Variants in LNP1 observed in about 807,000 individuals in gnomAD.
LNP1 encodes leukemia NUP98 fusion partner 1.
Under a neutral mutation model 14.5 loss-of-function variants are expected in LNP1, and 12 were observed. That is an observed-to-expected ratio of 0.83 (90% CI 0.53 to 1.34). The LOEUF is 1.34. LNP1 is among the 40% of genes most tolerant of loss of function. The probability of loss-of-function intolerance (pLI) is 0.00; values close to 1 mark genes in which losing one functional copy is unlikely to be tolerated. For missense variants in LNP1, 198 were observed against 210.9 expected, an observed-to-expected ratio of 0.94 and a Z score of 0.38; for synonymous variants, 75 against 71.4, an observed-to-expected ratio of 1.05 and a Z score of -0.26.
intron 1 of LNP1, among the ~76,000 whole-genome samples, chr3:100,416,594 C>A (rs1707085232): frequency 1.2e-5 from 1 of 80,278 alleles, no homozygotes; most frequent in African/African-American, 6.2e-5. Context: ...TTGAGTATAT[C>A]TTTTTTGTGT....
intron 1 of LNP1, among the ~76,000 whole-genome samples, chr3:100,415,996 G>T (rs949698935): frequency 9.9e-5 from 15 of 152,020 alleles, no homozygotes; most frequent in African/African-American, 3.6e-4. Context: ...AGCAAAAATT[G>T]ATATGTTTTC....
In LNP1 at chr3:100,447,614, T is replaced by TA. The variant is rs34835983; in HGVS notation, c.157-4095dup. On this transcript the variant is annotated intron_variant, in intron 2 of 3. Transcript: ENST00000383693. ...AAAGTATAATTTAAAAAAAAAGAAT[T>TA]AAAAAAAAAATCCCTTTATTATGAC... 6.4e-3 allele frequency among the ~76,000 whole-genome samples: 960 copies of TA among 150,726 alleles called. 9 individuals are homozygous for TA. Among genetic ancestry groups the TA allele is most frequent in the African/African-American group, 0.021 (856 of 41,096 alleles).
intron 2 of LNP1, among the ~76,000 whole-genome samples, chr3:100,445,422 G>T (rs1256248154): frequency 1.3e-5 from 2 of 152,098 alleles, no homozygotes; most frequent in Non-Finnish European, 2.9e-5. Context: ...AGTTTATTTT[G>T]ATTGGCATTT....
At chr3:100,430,018 A>G (rs1576231493) in intron 2 of LNP1, 133 bp downstream of exon 2, 1 of 839,648 alleles carries the variant, frequency 1.2e-6, no homozygotes, top group East Asian at 2.7e-5. Context: ...TCTTTCTCAT[A>G]CCCACAGAAA....
At chr3:100,427,059 G>C (rs1290068829) in intron 1 of LNP1, among the ~76,000 whole-genome samples, 1 of 152,000 alleles carries the variant, frequency 6.6e-6, no homozygotes, top group Admixed American at 6.6e-5. Flanking sequence ...GAGATTCCCA[G>C]TTGGAATGCA....
chr3:100,404,630 G>A (rs2316264), intron 1 of LNP1, among the ~76,000 whole-genome samples: 73,198 of 151,860 alleles, frequency 0.48, 20,477 homozygotes, highest in African/African-American at 0.77. Context: ...TACCATTTCT[G>A]TGCAGATAAT....
Position 100,402,352 on chromosome 3 carries a change from T to A in LNP1, c.-121T>A, listed in dbSNP as rs140991869. 1.3e-5 allele frequency: 2 copies of A among 152,236 alleles called. No homozygotes were observed. The highest frequency in any genetic ancestry group is 2.9e-5 in the Non-Finnish European group (2 of 68,042). The allele number at this position is 152,236 out of a possible 1,614,324, so 9.4% of individuals were successfully genotyped here. A position where few individuals can be genotyped will look rare whatever the true frequency, so the allele number is the denominator to read the frequency against. ...GCTACATAAAGATTGAAAGGAGATATTTTATCAAGTGGCACCAGAATGGAC... is the reference window on the plus strand; with the variant it reads ...GCTACATAAAGATTGAAAGGAGATAATTTATCAAGTGGCACCAGAATGGAC... On this transcript the variant is annotated 5_prime_UTR_variant, in exon 1 of 4. Transcript: ENST00000383693.
chr3:100,451,573 G>A, intron 2 of LNP1, 146 bp from the exon 3 acceptor site: 1 of 594,372 alleles, frequency 1.7e-6, no homozygotes, highest in Non-Finnish European at 3.0e-6. Flanking sequence ...GTGATTTGGG[G>A]GCCTCAAGTT....
intron 1 of LNP1, among the ~76,000 whole-genome samples, chr3:100,423,951 C>T (rs1707169666): frequency 6.6e-6 from 1 of 152,138 alleles, no homozygotes; most frequent in African/African-American, 2.4e-5. Flanking sequence ...GCCAGGGCTC[C>T]CAAGAAAGCC....
chr3:100,407,028 A>T (rs1706975781), intron 1 of LNP1, among the ~76,000 whole-genome samples: 1 of 152,208 alleles, frequency 6.6e-6, no homozygotes, highest in African/African-American at 2.4e-5. Context: ...TTGCATATCC[A>T]TCAACAAGTT....
chr3:100,446,929 A>G (rs1423147791), intron 2 of LNP1, among the ~76,000 whole-genome samples: 8 of 152,250 alleles, frequency 5.3e-5, no homozygotes, highest in Admixed American at 6.5e-5. Context: ...TAGAACGGCA[A>G]TCATTAAAAA....
At chr3:100,421,602 T>G (rs1353658094) in intron 1 of LNP1, among the ~76,000 whole-genome samples, 1 of 152,230 alleles carries the variant, frequency 6.6e-6, no homozygotes, top group African/African-American at 2.4e-5. Flanking sequence ...GTTGTTGTAC[T>G]TTTAAGATGT....
chr3:100,402,643 A>T (rs890749425), intron 1 of LNP1, among the ~76,000 whole-genome samples: 8 of 145,122 alleles, frequency 5.5e-5, no homozygotes, highest in Non-Finnish European at 9.1e-5. Flanking sequence ...ACAAGTTAGG[A>T]TTTTTTTTTT....
chr3:100,433,342 G>C (rs1707259925), intron 2 of LNP1, among the ~76,000 whole-genome samples: 1 of 152,166 alleles, frequency 6.6e-6, no homozygotes, highest in Admixed American at 6.5e-5. Flanking sequence ...TCCTGTGTTA[G>C]TTTGCTGAGG....
intron 2 of LNP1, among the ~76,000 whole-genome samples, chr3:100,437,029 C>T (rs1707299935): frequency 6.6e-6 from 1 of 152,190 alleles, no homozygotes; most frequent in African/African-American, 2.4e-5. Flanking sequence ...CTGGGACTTC[C>T]TAGCCTCCAG....
intron 1 of LNP1, among the ~76,000 whole-genome samples, chr3:100,413,211 CTT>C (rs910457710): frequency 2.6e-5 from 4 of 152,226 alleles, no homozygotes; most frequent in African/African-American, 9.6e-5. Flanking sequence ...TTGGTTTATA[CTT>C]TGTATCTCAT....
intron 2 of LNP1, among the ~76,000 whole-genome samples, chr3:100,451,466 T>C (rs1317378251): frequency 6.6e-6 from 1 of 152,196 alleles, no homozygotes; most frequent in Non-Finnish European, 1.5e-5. Context: ...TTTGTCTCAA[T>C]GCATGAGATA....
In LNP1 at chr3:100,413,845, G is replaced by A. The variant is rs554123486; in HGVS notation, c.-34+11406G>A. ...ACAGTAGAGTATTCACTCATAAAAG[G>A]CATTCAAACTAGCAGCCATGGTTAT... On this transcript the variant is annotated intron_variant, in intron 1 of 3. Transcript: ENST00000383693. Among the ~76,000 whole-genome samples, 8 of 152,246 alleles carry A rather than the reference G, an allele frequency of 5.3e-5. 1 individual carries two copies. In the East Asian group the frequency reaches 5.8e-4, roughly 11 times the overall value.
chr3:100,451,422 A>G (rs1407908094), intron 2 of LNP1, among the ~76,000 whole-genome samples: 1 of 152,226 alleles, frequency 6.6e-6, no homozygotes, highest in Non-Finnish European at 1.5e-5. Context: ...TGAGTTTCTG[A>G]TTAGCCTCTC....
Sources: gnomAD v4.1 joint callset for allele counts (sites outside exome capture counted in the v4.1 genomes callset) on GRCh38, gnomAD v4.1.1 for gene constraint, MANE v1.5 for transcripts, NCBI Gene and HGNC (gene_info 2026-07-23, HGNC 2026-07-21) for gene names.